The following BRWD3 variants were observed in gnomAD, a reference collection of about 807,000 sequenced individuals.
The protein encoded by BRWD3 is bromodomain and WD repeat-containing protein 3.
A neutral mutation model predicts 149.7 loss-of-function variants in BRWD3; 10 were observed. The observed-to-expected ratio is 0.07, with a 90% CI of 0.04 to 0.11. BRWD3 has a LOEUF of 0.11. Ranked by LOEUF, BRWD3 falls within the 10% of genes least tolerant of loss-of-function variation. BRWD3 has a pLI of 1.00. For missense variants in BRWD3, 940 were observed against 1,373.2 expected (o/e 0.68, Z 4.99); for synonymous variants, 504 against 456.7 (o/e 1.10, Z -1.32).
chrX:80,720,391 T>C (rs1298644162), intron 17 of BRWD3, among the ~76,000 whole-genome samples: 2 of 111,286 alleles, frequency 1.8e-5, no homozygotes, highest in Non-Finnish European at 3.8e-5. Flanking sequence ...TAGGCTAATG[T>C]ATGTTTGTGT....
intron 6 of BRWD3, among the ~76,000 whole-genome samples, chrX:80,778,676 A>C (rs2147837591): frequency 8.9e-6 from 1 of 112,650 alleles, no homozygotes; most frequent in South Asian, 3.6e-4. Context: ...CTTTTACAAA[A>C]AAATAACCTG....
In BRWD3 at chrX:80,808,997, C is replaced by G. The variant is rs1173124356; in HGVS notation, c.120+16G>C. 5 of 1,194,396 alleles carry G rather than the reference C, an allele frequency of 4.2e-6. No homozygotes were observed. The highest frequency in any genetic ancestry group is 5.6e-6 in the Non-Finnish European group (5 of 887,334). On this transcript the variant is annotated intron_variant, in intron 3 of 40. Coordinates refer to ENST00000373275, the MANE Select transcript of BRWD3 (RefSeq NM_153252.5). ...TCACCTCAACCCTCCCCACCCTTCC[C>G]GAAGGGGCTCCGTACCTGATGCTCC...
At chrX:80,696,519 TACACACACACAC>T (rs560341387) in intron 26 of BRWD3, among the ~76,000 whole-genome samples, 60 of 82,174 alleles carry the variant, frequency 7.3e-4, no homozygotes, top group South Asian at 5.4e-3. Flanking sequence ...ATAACATAAA[TACACACACACAC>T]ACACACACAC....
intron 14 of BRWD3, among the ~76,000 whole-genome samples, chrX:80,725,715 A>G (rs755642382): frequency 9.9e-6 from 1 of 100,873 alleles, no homozygotes; most frequent in Middle Eastern, 5.7e-3. Flanking sequence ...CCTATATAAC[A>G]TATAACATGT....
chrX:80,730,050 T>G lies in BRWD3; in HGVS notation c.1128-30A>C, dbSNP rs768420398. 6.7e-6 allele frequency: 7 copies of G among 1,045,156 alleles called. No individual in the cohort carries two copies. The East Asian group carries it at 9.4e-5, about 14-fold the overall frequency. 86.1% of individuals were successfully genotyped at this position (1,045,156 alleles called of 1,213,427 possible). Reference sequence around the variant, plus strand: ...AAAGAGTTAAAATAACTTTATTAATTTTCTCAAAAATGTAAATCACTTTTT... The same window carrying G: ...AAAGAGTTAAAATAACTTTATTAATGTTCTCAAAAATGTAAATCACTTTTT... On this transcript the variant is annotated intron_variant, in intron 12 of 40. Coordinates refer to ENST00000373275, the MANE Select transcript of BRWD3 (RefSeq NM_153252.5).
chrX:80,788,348 C>A (rs1156279280), intron 6 of BRWD3, among the ~76,000 whole-genome samples: 1 of 109,372 alleles, frequency 9.1e-6, no homozygotes, highest in African/African-American at 3.3e-5. Flanking sequence ...GGATTTGTAC[C>A]CAAAATATAT....
intron 6 of BRWD3, among the ~76,000 whole-genome samples, chrX:80,767,845 G>A (rs1036904124): frequency 4.5e-5 from 5 of 111,506 alleles, no homozygotes; most frequent in East Asian, 2.8e-4. Flanking sequence ...AAGATTAAAC[G>A]AATGGCTAAC....
intron 20 of BRWD3, among the ~76,000 whole-genome samples, chrX:80,711,240 A>C (rs779403451): frequency 9.0e-6 from 1 of 111,333 alleles, no homozygotes; most frequent in Non-Finnish European, 1.9e-5. Context: ...TGAGGGCTAA[A>C]CTCTGATCTT....
intron 4 of BRWD3, among the ~76,000 whole-genome samples, chrX:80,801,948 T>C (rs1207302901): frequency 9.0e-6 from 1 of 111,135 alleles, no homozygotes; most frequent in Non-Finnish European, 1.9e-5. Context: ...AAATTCCCAT[T>C]TGTTTAAAAA....
chrX:80,783,964 C>G (rs748565466), intron 6 of BRWD3, among the ~76,000 whole-genome samples: 1 of 108,306 alleles, frequency 9.2e-6, no homozygotes, highest in East Asian at 2.9e-4. Flanking sequence ...ATGGTTAATG[C>G]GTAAAAAAAT....
chrX:80,782,950 T>A (rs774760992), intron 6 of BRWD3, among the ~76,000 whole-genome samples: 8 of 105,543 alleles, frequency 7.6e-5, no homozygotes, highest in African/African-American at 2.8e-4. Context: ...CTCAAACAAC[T>A]CAATAGAAAA....
intron 6 of BRWD3, among the ~76,000 whole-genome samples, chrX:80,772,628 T>A (rs1184344602): frequency 9.1e-6 from 1 of 110,127 alleles, no homozygotes; most frequent in Non-Finnish European, 1.9e-5. Flanking sequence ...TAAAAAAAAA[T>A]AAATGATCCT....
intron 4 of BRWD3, among the ~76,000 whole-genome samples, chrX:80,807,660 C>G (rs775137615): frequency 4.3e-4 from 48 of 111,970 alleles, no homozygotes; most frequent in African/African-American, 1.5e-3. Context: ...TTTTGTGTGT[C>G]AATGCTGAAC....
intron 18 of BRWD3, 94 bp downstream of exon 18, chrX:80,719,395 T>A: frequency 1.2e-6 from 1 of 861,462 alleles, no homozygotes; most frequent in Non-Finnish European, 1.6e-6. Flanking sequence ...AGTTTTTATT[T>A]ATAAACGTAA....
At chrX:80,762,419 G>C (rs1424712860) in intron 6 of BRWD3, among the ~76,000 whole-genome samples, 2 of 111,532 alleles carry the variant, frequency 1.8e-5, no homozygotes, top group Non-Finnish European at 3.8e-5. Flanking sequence ...AGCTGCTGCT[G>C]AGTGCTTCAT....
chrX:80,771,304 G>C (rs2147827654), intron 6 of BRWD3, among the ~76,000 whole-genome samples: 1 of 111,517 alleles, frequency 9.0e-6, no homozygotes, highest in South Asian at 3.7e-4. Context: ...ACAATCCTAA[G>C]CAAAAAGAAC....
At chrX:80,723,523 A>T (rs770564624) in intron 16 of BRWD3, among the ~76,000 whole-genome samples, 59 of 110,391 alleles carry the variant, frequency 5.3e-4, no homozygotes, top group African/African-American at 1.8e-3. Context: ...AGGAATGTTT[A>T]TATCTTCATC....
chrX:80,751,542 G>C (rs2073667026), intron 6 of BRWD3, among the ~76,000 whole-genome samples: 1 of 111,980 alleles, frequency 8.9e-6, no homozygotes, highest in Admixed American at 9.5e-5. Flanking sequence ...AAGTACATAA[G>C]CAAAATACAT....
chrX:80,670,278 G>A lies in BRWD3; in HGVS notation c.*6331C>T, dbSNP rs11266586. Among the ~76,000 whole-genome samples the A allele has an allele frequency of 2.4e-4, 27 of 110,734 alleles. No homozygotes were observed. The highest frequency in any genetic ancestry group is 6.6e-4 in the African/African-American group (20 of 30,461). ...ATGACCTGAGAAAGCAACTGTAAGCGTATAGGCTTAACTATCCCACCAAAA... is the reference window on the plus strand; with the variant it reads ...ATGACCTGAGAAAGCAACTGTAAGCATATAGGCTTAACTATCCCACCAAAA... On this transcript the variant is annotated 3_prime_UTR_variant, in exon 41 of 41. Transcript: ENST00000373275.
Sources: allele counts gnomAD v4.1 joint callset (sites outside exome capture counted in the v4.1 genomes callset), GRCh38; gene constraint gnomAD v4.1.1; transcripts MANE v1.5; gene names NCBI Gene and HGNC (gene_info 2026-07-23, HGNC 2026-07-21).